The following WDR81 variants were observed in gnomAD, a reference collection of about 807,000 sequenced individuals.
WDR81 encodes WD repeat domain 81, also known as WD repeat-containing protein 81.
Under a neutral mutation model 140.8 loss-of-function variants are expected in WDR81, and 92 were observed. That is an observed-to-expected ratio of 0.65 (90% CI 0.55 to 0.78). WDR81 has a LOEUF of 0.78. Ranked by LOEUF, WDR81 falls within the 30% of genes least tolerant of loss-of-function variation. The probability of loss-of-function intolerance (pLI) is 0.00; values close to 1 mark genes in which losing one functional copy is unlikely to be tolerated. For synonymous variants in WDR81, 1,183 were observed against 1,156.4 expected (o/e 1.02, Z -0.47); for missense variants, 2,502 against 2,636.4 (o/e 0.95, Z 1.12).
At chr17:1,732,641 G>T in intron 5 of WDR81, 25 bp from the exon 6 acceptor site, 1 of 1,585,880 alleles carries the variant, frequency 6.3e-7, no homozygotes, top group South Asian at 1.1e-5. Flanking sequence ...GGACCCGGCT[G>T]ACCCCCTGGG....
intron 6 of WDR81, among the ~76,000 whole-genome samples, chr17:1,733,146 C>T (rs535136056): frequency 1.3e-5 from 2 of 152,308 alleles, no homozygotes; most frequent in East Asian, 3.9e-4. Context: ...GAAGCTTCCC[C>T]TCTGGGCCCT....
In WDR81 at chr17:1,732,432, G is replaced by C; in HGVS notation, c.4265G>C (p.Ser1422Thr). 1 of 1,613,600 alleles carries C rather than the reference G, an allele frequency of 6.2e-7. No homozygotes were observed. The highest frequency in any genetic ancestry group is 8.5e-7 in the Non-Finnish European group (1 of 1,180,032). ...CAGGAGATGGTCCAGCAGCACCTGA[G>C]CGAGCCCGTGGCCACCTTTTTCCAG... ...IGQEMVQQHL[S>T]EPVATFFQVF... is the part of the protein sequence containing the mutation. The change falls in exon 5 of 10, where the codon AGC becomes ACC. Residue 1422 changes from serine (S) to threonine (T), a missense_variant. Around this residue, in one of 3 missense-constraint regions of WDR81, gnomAD observed 1,737 missense variants for 1,843.0 expected, o/e 0.94. Coordinates refer to ENST00000409644, the MANE Select transcript of WDR81 (RefSeq NM_001163809.2).
chr17:1,734,129 A>G lies in WDR81; in HGVS notation c.5092A>G (p.Lys1698Glu). Residue 1698 changes from lysine (K) to glutamate (E), a missense_variant, in exon 7 of 10, where the codon AAG becomes GAG. Coordinates refer to ENST00000409644, the MANE Select transcript of WDR81 (RefSeq NM_001163809.2). ...APRLVYTQHR[K>E]SVFFVGQLEA... is the part of the protein sequence containing the mutation. ...ACGCCTCGTCTACACCCAGCACCGCAAGAGCGTCTTCTTCGTGGGCCAGCT... is the reference window on the plus strand; with the variant it reads ...ACGCCTCGTCTACACCCAGCACCGCGAGAGCGTCTTCTTCGTGGGCCAGCT... 6.2e-7 allele frequency: 1 copy of G among 1,600,010 alleles called. No homozygotes were observed. Among genetic ancestry groups the G allele is most frequent in the Non-Finnish European group, 8.5e-7 (1 of 1,179,736 alleles).
intron 9 of WDR81, 89 bp downstream of exon 9, chr17:1,736,307 A>G: frequency 2.1e-6 from 3 of 1,448,274 alleles, no homozygotes; most frequent in Non-Finnish European, 1.8e-6. Flanking sequence ...GCCCGGGTTC[A>G]GGCTCGAACT....
intron 1 of WDR81, chr17:1,716,755 G>C (rs1214841073): frequency 8.8e-7 from 1 of 1,130,538 alleles, no homozygotes; most frequent in African/African-American, 1.5e-5. Flanking sequence ...TGACTCGCCG[G>C]CCTCTGCGGG....
chr17:1,728,143 C>G lies in WDR81; in HGVS notation c.3184C>G (p.Leu1062Val), dbSNP rs369819756. 2 of 1,607,088 alleles carry G rather than the reference C, an allele frequency of 1.2e-6. No individual in the cohort carries two copies. The highest frequency in any genetic ancestry group is 2.7e-5 in the African/African-American group (2 of 74,772). Residue 1062 changes from leucine to valine, a missense_variant, in exon 1 of 10, where the codon CTG (leucine) becomes GTG (valine). Physicochemically the swap from Leu to Val is conservative, Grantham distance 32. Coordinates refer to ENST00000409644, the MANE Select transcript of WDR81 (RefSeq NM_001163809.2). ...MDGEPPASSG[L>V]GLPDYTSGVS... ...TGGGGAGCCTCCTGCCTCCTCGGGC[C>G]TGGGGCTCCCAGACTACACGTCTGG...
rs772164633 is a variant in WDR81, at chr17:1,725,259, C to T, written c.300C>T (p.Ala100=). 4.0e-5 allele frequency: 62 copies of T among 1,544,152 alleles called. No individual in the cohort carries two copies. Among genetic ancestry groups the T allele is most frequent in the South Asian group, 7.1e-5 (6 of 84,070 alleles). Residue 100 remains alanine (A), a synonymous_variant, in exon 1 of 10, where the codon GCC becomes GCT. Coordinates refer to ENST00000409644, the MANE Select transcript of WDR81 (RefSeq NM_001163809.2). ...AGCGCTCTGTGCAAAGGCTGCCTGC[C>T]GGCTGGACGCGCGTGGAGGTGCATG... The part of the protein sequence containing the change: ...LLQRSVQRLP[A]GWTRVEVHGL...
chr17:1,732,539 C>T lies in WDR81; in HGVS notation c.4323+49C>T, dbSNP rs760000804. 11 of 1,596,838 alleles carry T rather than the reference C, an allele frequency of 6.9e-6. No individual in the cohort carries two copies. In the African/African-American group the frequency reaches 8.0e-5, roughly 12 times the overall value. Reference sequence around the variant, plus strand: ...GCGGGCTGGGGCGGGGGCTGTGGACCTGGGTGACCCCCTGGGCATCTTGCT... The same window carrying T: ...GCGGGCTGGGGCGGGGGCTGTGGACTTGGGTGACCCCCTGGGCATCTTGCT... On this transcript the variant is annotated intron_variant, in intron 5 of 9. Transcript: ENST00000409644.
rs1244571056 is a variant in WDR81 at position 1,728,291 on chromosome 17, A to T, written c.3332A>T (p.Lys1111Met). 1.9e-6 allele frequency: 3 copies of T among 1,612,686 alleles called. No individual in the cohort carries two copies. Among genetic ancestry groups the T allele is most frequent in the Non-Finnish European group, 2.5e-6 (3 of 1,179,996 alleles). ...GTGAGCCTGGGCCGGCTGAGTGACA[A>T]GAGCAGCACCAGCGAGACCTCCCTG... Reference protein sequence around the residue: ...EAVSLGRLSDKSSTSETSLGE... With the variant: ...EAVSLGRLSDMSSTSETSLGE... Residue 1111 changes from lysine to methionine, a missense_variant, in exon 1 of 10, where the codon AAG becomes ATG. By Grantham distance (95) the Lys-to-Met change is moderately conservative. This residue lies in a region of WDR81 where 1,737 missense variants were observed against 1,843.0 expected (regional missense o/e 0.94). Coordinates refer to ENST00000409644, the MANE Select transcript of WDR81 (RefSeq NM_001163809.2).
At position 1,726,884 on chromosome 17, in the gene WDR81, C is replaced by G; in HGVS notation, c.1925C>G (p.Pro642Arg). The change falls in exon 1 of 10, where the codon CCC (proline) becomes CGC (arginine). Residue 642 changes from proline to arginine, a missense_variant. By Grantham distance (103) the Pro-to-Arg change is moderately radical. Coordinates refer to ENST00000409644, the MANE Select transcript of WDR81 (RefSeq NM_001163809.2). Reference protein sequence around the residue: ...GVGRPVLEATPCEASWTRDRP... With the variant: ...GVGRPVLEATRCEASWTRDRP... Reference sequence around the variant, plus strand: ...GGCCGGCCAGTTTTAGAGGCCACTCCCTGTGAGGCTAGCTGGACCAGAGAC... The same window carrying G: ...GGCCGGCCAGTTTTAGAGGCCACTCGCTGTGAGGCTAGCTGGACCAGAGAC... The G allele has an allele frequency of 6.4e-7, 1 of 1,550,406 alleles. No individual in the cohort carries two copies. Among genetic ancestry groups the G allele is most frequent in the South Asian group, 1.2e-5 (1 of 84,058 alleles).
At chr17:1,732,190 TCG>T in intron 4 of WDR81, 133 bp from the exon 5 acceptor site, 3 of 1,238,046 alleles carry the variant, frequency 2.4e-6, no homozygotes, top group Non-Finnish European at 3.3e-6. Context: ...TGAGCCGAGA[TCG>T]CACCACTGCA....
intron 6 of WDR81, 133 bp downstream of exon 6, chr17:1,732,964 T>A: frequency 8.3e-7 from 1 of 1,204,452 alleles, no homozygotes; most frequent in Non-Finnish European, 1.1e-6. Context: ...GCAAAGGGAT[T>A]TGGCCTCAGA....
rs200343855 is a variant in WDR81, at chr17:1,725,585, C to T, written c.626C>T (p.Pro209Leu). ...TATGCCAGAGAAGGCCCCTGCCCCCCTCGGGGCAGCCCTGCTTGCCCTAGT... is the reference window on the plus strand; with the variant it reads ...TATGCCAGAGAAGGCCCCTGCCCCCTTCGGGGCAGCCCTGCTTGCCCTAGT... Reference protein sequence around the residue: ...PSYAREGPCPPRGSPACPSLL... With the variant: ...PSYAREGPCPLRGSPACPSLL... Residue 209 changes from proline to leucine, a missense_variant, in exon 1 of 10, where the codon CCT (proline) becomes CTT (leucine). Pro to Leu is a moderately conservative substitution (Grantham distance 98, BLOSUM62 -3). This residue lies in a region of WDR81 where 547 missense variants were observed against 513.8 expected (regional missense o/e 1.06). Transcript: ENST00000409644. 202 of 1,545,108 alleles carry T rather than the reference C, an allele frequency of 1.3e-4. No homozygotes were observed. The highest frequency in any genetic ancestry group is 1.7e-4 in the Non-Finnish European group (196 of 1,146,956).
In WDR81 at chr17:1,727,342, C is replaced by T. The variant is rs776877427; in HGVS notation, c.2383C>T (p.Pro795Ser). The T allele has an allele frequency of 3.9e-6, 6 of 1,549,928 alleles. No homozygotes were observed. The highest frequency in any genetic ancestry group is 1.2e-5 in the South Asian group (1 of 84,064). Residue 795 changes from proline (P) to serine (S), a missense_variant, in exon 1 of 10, where the codon CCT becomes TCT. Physicochemically the swap from Pro to Ser is moderately conservative, Grantham distance 74 (BLOSUM62 -1). Around this residue, in one of 3 missense-constraint regions of WDR81, gnomAD observed 1,737 missense variants for 1,843.0 expected, o/e 0.94. Transcript: ENST00000409644. ...GGTGCGGACGCTGCAGCCCGATGCA[C>T]CTTTGTGGGTACGCTTCCAGGCTGT... ...TRVRTLQPDA[P>S]LWVRFQAVRG...
rs1023749319 is a variant in WDR81 at position 1,731,817 on chromosome 17, C to T, written c.4158-508C>T. Among the ~76,000 whole-genome samples, 3 of 151,090 alleles carry T rather than the reference C, an allele frequency of 2.0e-5. No homozygotes were observed. The South Asian group carries it at 6.3e-4, about 32-fold the overall frequency. ...TCTCGGGAGGCTGCAATCCCAGGTT[C>T]TCAGGAGGCTGAGGCGGGAGAATTG... On this transcript the variant is annotated intron_variant, in intron 4 of 9. Transcript: ENST00000409644.
chr17:1,721,283 C>T (rs1033225897), upstream of WDR81, among the ~76,000 whole-genome samples: 7 of 151,924 alleles, frequency 4.6e-5, no homozygotes, highest in Admixed American at 3.9e-4. Flanking sequence ...CACTTGAACC[C>T]GGGAGGCGGA....
At chr17:1,737,288 G>C in intron 9 of WDR81, 77 bp from the exon 10 acceptor site, 1 of 1,423,098 alleles carries the variant, frequency 7.0e-7, no homozygotes, top group East Asian at 2.4e-5. Flanking sequence ...ACTGCGGAGG[G>C]AACTGGGAAG....
Position 1,725,478 on chromosome 17 carries a change from C to G in WDR81, c.519C>G (p.Ala173=). ...GCCCTGCCCCCTCAGCTGTCCCTGCCTTGGACTCAGTACGGCAGGCTCTGC... is the reference window on the plus strand; with the variant it reads ...GCCCTGCCCCCTCAGCTGTCCCTGCGTTGGACTCAGTACGGCAGGCTCTGC... ...SHSPAPSAVP[A]LDSVRQALQR... is the part of the protein sequence containing the mutation. Residue 173 remains alanine (A), a synonymous_variant, in exon 1 of 10, where the codon GCC becomes GCG. Coordinates refer to ENST00000409644, the MANE Select transcript of WDR81 (RefSeq NM_001163809.2). 6.5e-7 allele frequency: 1 copy of G among 1,548,678 alleles called. No individual in the cohort carries two copies. Among genetic ancestry groups the G allele is most frequent in the Non-Finnish European group, 8.7e-7 (1 of 1,146,936 alleles).
In WDR81 at chr17:1,735,935, A is replaced by G. The variant is rs1648559782; in HGVS notation, c.5326-104A>G. 5.4e-6 allele frequency: 8 copies of G among 1,475,220 alleles called. No individual in the cohort carries two copies. The Admixed American group carries it at 1.8e-4, about 32-fold the overall frequency. The allele number at this position is 1,475,220 out of a possible 1,614,324, so 91.4% of individuals were successfully genotyped here. ...CTTTTCATGCCCCCTGATGAGGGTC[A>G]GAGGCTCAGGCCTTCCTGCTGTGTG... On this transcript the variant is annotated intron_variant, in intron 8 of 9. Transcript: ENST00000409644. The surrounding 1 kb of genome is among the most constrained non-coding windows in gnomAD (Gnocchi z 4.2).
Sources: gnomAD v4.1 joint callset for allele counts (sites outside exome capture counted in the v4.1 genomes callset) on GRCh38, gnomAD v4.1.1 for gene constraint, gnomAD v4.1.1 regional missense constraint, Gnocchi (gnomAD v3.1) non-coding constraint, MANE v1.5 for transcripts, NCBI Gene and HGNC (gene_info 2026-07-23, HGNC 2026-07-21) for gene names.